PARP4: variants seen among roughly 807,000 people sequenced by gnomAD.
PARP4 encodes the protein protein mono-ADP-ribosyltransferase PARP4.
In PARP4, 120 loss-of-function variants were observed where a neutral mutation model predicts 187.7. The ratio of observed to expected loss-of-function variants is 0.64; its 90% confidence interval spans 0.55 to 0.74. The LOEUF (loss-of-function observed/expected upper bound fraction) is 0.74. Among genes scored for constraint, PARP4 ranks in the 30% least tolerant of loss-of-function variants. PARP4 has a pLI of 0.00. For missense variants in PARP4, 1,836 were observed against 2,070.5 expected (o/e 0.89, Z 2.20); for synonymous variants, 654 against 740.9 (o/e 0.88, Z 1.90).
Position 24,498,160 on chromosome 13 carries a change from G to A in PARP4, c.547C>T (p.Pro183Ser), listed in dbSNP as rs201697660. The change falls in exon 6 of 34, where the codon CCT (proline) becomes TCT (serine). Residue 183 changes from proline to serine, a missense_variant. Coordinates refer to ENST00000381989, the MANE Select transcript of PARP4 (RefSeq NM_006437.4). ...LQCSRDSRDC[P>S]FLISSHFLLD... ...AGGAAGTGTGAGGATATCAGGAAAGGACAGTCCCTGGAGTCCCGCGAACAC... is the reference window on the plus strand; with the variant it reads ...AGGAAGTGTGAGGATATCAGGAAAGAACAGTCCCTGGAGTCCCGCGAACAC... 132 of 1,613,832 alleles carry A rather than the reference G, an allele frequency of 8.2e-5. No individual in the cohort carries two copies. Among genetic ancestry groups the A allele is most frequent in the Non-Finnish European group, 8.5e-7 (1 of 1,179,926 alleles).
chr13:24,459,453 C>G, intron 18 of PARP4, 143 bp from the exon 19 acceptor site: 1 of 736,366 alleles, frequency 1.4e-6, no homozygotes, highest in Non-Finnish European at 2.1e-6. Context: ...AGAAAGTTTG[C>G]TCATGGAATG....
chr13:24,428,766 C>A (rs1870185048), intron 32 of PARP4, among the ~76,000 whole-genome samples: 1 of 152,224 alleles, frequency 6.6e-6, no homozygotes, highest in Non-Finnish European at 1.5e-5. Context: ...AGCCACTGTG[C>A]CTGGCTTATC....
At chr13:24,456,638 G>A (rs1220973761) in intron 20 of PARP4, among the ~76,000 whole-genome samples, 160 bp from the exon 21 acceptor site, 1 of 152,136 alleles carries the variant, frequency 6.6e-6, no homozygotes. Context: ...ATGTAGGCCG[G>A]GTGCAGTGGC....
rs1443913758 is a variant in PARP4, at chr13:24,442,572, A to G, written c.3543+18T>C. The G allele has an allele frequency of 7.7e-7, 1 of 1,290,910 alleles. No individual in the cohort carries two copies. Among genetic ancestry groups the G allele is most frequent in the Non-Finnish European group, 1.1e-6 (1 of 893,908 alleles). 80.0% of individuals were successfully genotyped at this position (1,290,910 alleles called of 1,614,324 possible). A position where few individuals can be genotyped will look rare whatever the true frequency, so the allele number is the denominator to read the frequency against. On this transcript the variant is annotated intron_variant, in intron 29 of 33. Coordinates refer to ENST00000381989, the MANE Select transcript of PARP4 (RefSeq NM_006437.4). ...TACAAATAAAATAATTTAACCTCGA[A>G]TTACCAATAATACATACCCTTTTCT...
At chr13:24,441,347 T>C (rs1435534591) in intron 30 of PARP4, among the ~76,000 whole-genome samples, 1 of 128,134 alleles carries the variant, frequency 7.8e-6, no homozygotes, top group Admixed American at 7.6e-5. Context: ...TTTTTTAACC[T>C]AGAGACCTAA....
chr13:24,440,974 G>A (rs890293187), intron 30 of PARP4, among the ~76,000 whole-genome samples: 19 of 152,086 alleles, frequency 1.2e-4, no homozygotes, highest in African/African-American at 4.6e-4. Context: ...CTAGGTGCAA[G>A]CATCCTCCTG....
chr13:24,506,301 G>C (rs993998994), intron 1 of PARP4, among the ~76,000 whole-genome samples: 2 of 152,144 alleles, frequency 1.3e-5, no homozygotes, highest in African/African-American at 4.8e-5. Flanking sequence ...TGAAGCTGCA[G>C]ACCTCCGCGA....
At chr13:24,479,528 T>G (rs1873155338) in intron 12 of PARP4, among the ~76,000 whole-genome samples, 1 of 152,062 alleles carries the variant, frequency 6.6e-6, no homozygotes, top group South Asian at 2.1e-4. Context: ...AGCTCAGGGT[T>G]TGTGAGTGCA....
chr13:24,429,439 T>C (rs1200146202), intron 32 of PARP4, among the ~76,000 whole-genome samples: 1 of 152,228 alleles, frequency 6.6e-6, no homozygotes, highest in Non-Finnish European at 1.5e-5. Flanking sequence ...CTCTCAGCTA[T>C]GCTATCTTAC....
chr13:24,449,202 C>T (rs186617720), intron 25 of PARP4, among the ~76,000 whole-genome samples: 201 of 152,176 alleles, frequency 1.3e-3, no homozygotes, highest in Non-Finnish European at 2.2e-3. Flanking sequence ...TCCTGGCTAA[C>T]ACAGTGAAAC....
At chr13:24,468,960 T>G in intron 17 of PARP4, 64 bp downstream of exon 17, 1 of 1,136,038 alleles carries the variant, frequency 8.8e-7, no homozygotes. Context: ...AATTCGTATT[T>G]CATATCTTGT....
At chr13:24,451,338 G>C (rs1302980062) in intron 24 of PARP4, among the ~76,000 whole-genome samples, 1 of 152,194 alleles carries the variant, frequency 6.6e-6, no homozygotes, top group Non-Finnish European at 1.5e-5. Flanking sequence ...TTTCTTCATT[G>C]GCCTGTGATG....
Position 24,460,441 on chromosome 13 carries a change from C to CGTGGGCTCTGCTGCACGG in PARP4, c.2134-323_2134-306dup, listed in dbSNP as rs780362450. Among the ~76,000 whole-genome samples the CGTGGGCTCTGCTGCACGG allele has an allele frequency of 6.3e-4, 94 of 149,246 alleles. 1 individual carries two copies. Among genetic ancestry groups the CGTGGGCTCTGCTGCACGG allele is most frequent in the Non-Finnish European group, 9.2e-4 (62 of 67,514 alleles). Reference sequence around the variant, plus strand: ...CTCTCATGTGTGAGCTCTCTGCACACGTGGGCTCTGCTGCACGGGTGGGCT... The same window carrying CGTGGGCTCTGCTGCACGG: ...CTCTCATGTGTGAGCTCTCTGCACACGTGGGCTCTGCTGCACGGGTGGGCTCTGCTGCACGGGTGGGCT... On this transcript the variant is annotated intron_variant, in intron 17 of 33. Transcript: ENST00000381989.
Position 24,503,688 on chromosome 13 carries a change from A to G in PARP4, c.89T>C (p.Ile30Thr). 3 of 1,613,826 alleles carry G rather than the reference A, an allele frequency of 1.9e-6. No homozygotes were observed. Among genetic ancestry groups the G allele is most frequent in the Non-Finnish European group, 2.5e-6 (3 of 1,179,948 alleles). ...GGAAAACTTTCCGCCATTTTCCTTAATGTCAGTTTGTAGCTTTTTCTTCTG... is the reference window on the plus strand; with the variant it reads ...GGAAAACTTTCCGCCATTTTCCTTAGTGTCAGTTTGTAGCTTTTTCTTCTG... The part of the protein sequence containing the change: ...QQQKKKLQTD[I>T]KENGGKFSFS... Residue 30 changes from isoleucine (I) to threonine (T), a missense_variant, in exon 2 of 34, where the codon ATT becomes ACT. Ile to Thr is a moderately conservative substitution (Grantham distance 89). Around this residue, in one of 8 missense-constraint regions of PARP4, gnomAD observed 1,147 missense variants for 1,214.2 expected, o/e 0.94. Transcript: ENST00000381989.
At chr13:24,466,113 T>A (rs986020089) in intron 17 of PARP4, among the ~76,000 whole-genome samples, 1 of 152,242 alleles carries the variant, frequency 6.6e-6, no homozygotes, top group African/African-American at 2.4e-5. Context: ...TAAATGTAAA[T>A]ATACACATGT....
intron 1 of PARP4, among the ~76,000 whole-genome samples, chr13:24,504,307 CTTTTT>C (rs11434017): frequency 0.014 from 1,251 of 87,370 alleles, 5 homozygotes; most frequent in South Asian, 0.026. Flanking sequence ...CATTTAGGTT[CTTTTT>C]TTTTTTTTTT....
intron 10 of PARP4, among the ~76,000 whole-genome samples, chr13:24,487,185 G>A (rs1284831575): frequency 6.6e-6 from 1 of 151,748 alleles, no homozygotes; most frequent in South Asian, 2.1e-4. Flanking sequence ...GCTTGAAGCC[G>A]GGAGGCAGAG....
chr13:24,462,942 G>A (rs1291021041), intron 17 of PARP4, among the ~76,000 whole-genome samples: 2 of 152,114 alleles, frequency 1.3e-5, no homozygotes, highest in Non-Finnish European at 1.5e-5. Flanking sequence ...AGTCTCAGAA[G>A]GAGAAAGAGA....
chr13:24,440,876 T>C (rs182333427), intron 30 of PARP4, among the ~76,000 whole-genome samples: 29 of 152,300 alleles, frequency 1.9e-4, no homozygotes, highest in Admixed American at 6.5e-4. Context: ...CTTTCGTATA[T>C]TATTTTCTTA....
Sources: allele counts gnomAD v4.1 joint callset (sites outside exome capture counted in the v4.1 genomes callset), GRCh38; gene constraint gnomAD v4.1.1; regional missense constraint gnomAD v4.1.1; transcripts MANE v1.5; gene names NCBI Gene and HGNC (gene_info 2026-07-23, HGNC 2026-07-21).